Variants in MAGI2 observed in about 807,000 individuals in gnomAD.
MAGI2 encodes membrane associated guanylate kinase, WW and PDZ domain containing 2, also known as membrane-associated guanylate kinase, WW and PDZ domain-containing protein 2.
A neutral mutation model predicts 133.3 loss-of-function variants in MAGI2; 35 were observed. The observed-to-expected ratio is 0.26, with a 90% CI of 0.20 to 0.35. The LOEUF is 0.35. MAGI2 is among the 10% of genes least tolerant of loss of function. The pLI is 1.00. For missense variants in MAGI2, 1,636 were observed against 1,863.4 expected, an observed-to-expected ratio of 0.88 and a Z score of 2.25; for synonymous variants, 729 against 710.6, an observed-to-expected ratio of 1.03 and a Z score of -0.41.
At chr7:78,823,966 A>T (rs1029359450) in intron 2 of MAGI2, among the ~76,000 whole-genome samples, 2 of 152,040 alleles carry the variant, frequency 1.3e-5, no homozygotes, top group African/African-American at 4.8e-5. Context: ...TTTAATACAT[A>T]AAGACTAAGT....
intron 2 of MAGI2, among the ~76,000 whole-genome samples, chr7:78,769,097 C>A (rs988088672): frequency 7.9e-5 from 12 of 152,140 alleles, no homozygotes; most frequent in Non-Finnish European, 1.2e-4. Context: ...CTTTAATAAG[C>A]ACATGTGTAG....
At chr7:78,681,768 A>G (rs905597672) in intron 2 of MAGI2, among the ~76,000 whole-genome samples, 3 of 152,194 alleles carry the variant, frequency 2.0e-5, no homozygotes, top group African/African-American at 7.2e-5. Flanking sequence ...GAAGGCAGTC[A>G]GCGTCACAAC....
chr7:78,620,832 A>G (rs1181077653), intron 3 of MAGI2, among the ~76,000 whole-genome samples: 2 of 152,060 alleles, frequency 1.3e-5, no homozygotes, highest in African/African-American at 4.8e-5. Flanking sequence ...GCTTTATTTT[A>G]AAAACAAAAC....
intron 1 of MAGI2, among the ~76,000 whole-genome samples, chr7:79,212,441 G>A (rs2129552751): frequency 6.6e-6 from 1 of 152,136 alleles, no homozygotes; most frequent in East Asian, 1.9e-4. Flanking sequence ...CAAAAATTTG[G>A]CATCAATTCA....
chr7:78,145,206 C>CT (rs2150567713), intron 16 of MAGI2, among the ~76,000 whole-genome samples: 1 of 152,240 alleles, frequency 6.6e-6, no homozygotes, highest in East Asian at 1.9e-4. Flanking sequence ...ACAGGCACTG[C>CT]TTTATTGTCT....
At chr7:79,193,974 GTTTT>G (rs1249583630) in intron 1 of MAGI2, among the ~76,000 whole-genome samples, 5 of 151,840 alleles carry the variant, frequency 3.3e-5, no homozygotes, top group African/African-American at 1.2e-4. Context: ...TTGTTTGTTT[GTTTT>G]GTTTGCTTGT....
chr7:79,165,770 G>T (rs1318632754), intron 1 of MAGI2, among the ~76,000 whole-genome samples: 2 of 152,032 alleles, frequency 1.3e-5, no homozygotes. Context: ...CTTTCAGACA[G>T]GATCATAGCT....
At position 79,374,329 on chromosome 7, in the gene MAGI2, A is replaced by AACACAC. The variant is rs35379400; in HGVS notation, c.301+78685_301+78690dup. On this transcript the variant is annotated intron_variant, in intron 1 of 21. Coordinates refer to ENST00000354212, the MANE Select transcript of MAGI2 (RefSeq NM_012301.4). Reference sequence around the variant, plus strand: ...GGAAATTTGGACACACACCCACACAAACACACACACACACACACAAAAGAC... The same window carrying AACACAC: ...GGAAATTTGGACACACACCCACACAAACACACACACACACACACACACACAAAAGAC... 5.9e-3 allele frequency among the ~76,000 whole-genome samples: 888 copies of AACACAC among 149,774 alleles called. 6 individuals carry two copies. Among genetic ancestry groups the AACACAC allele is most frequent in the African/African-American group, 0.021 (840 of 40,876 alleles).
At chr7:78,585,307 T>C (rs1386614733) in intron 3 of MAGI2, among the ~76,000 whole-genome samples, 1 of 152,178 alleles carries the variant, frequency 6.6e-6, no homozygotes, top group African/African-American at 2.4e-5. Flanking sequence ...TTCACTTTGG[T>C]ACTCATCTTA....
intron 2 of MAGI2, among the ~76,000 whole-genome samples, chr7:78,877,712 AAATGT>A (rs1795539383): frequency 6.6e-6 from 1 of 152,214 alleles, no homozygotes; most frequent in Non-Finnish European, 1.5e-5. Context: ...AAAAGTTTTA[AAATGT>A]AATAATTAGA....
At chr7:78,243,340 G>C (rs1405987348) in intron 10 of MAGI2, among the ~76,000 whole-genome samples, 1 of 151,498 alleles carries the variant, frequency 6.6e-6, no homozygotes, top group African/African-American at 2.4e-5. Flanking sequence ...ACCGTATATG[G>C]TGTTATGTAT....
intron 1 of MAGI2, among the ~76,000 whole-genome samples, chr7:79,231,391 C>G (rs1209188070): frequency 2.7e-5 from 2 of 73,530 alleles, no homozygotes; most frequent in Admixed American, 2.9e-4. Context: ...GGCAGTATGG[C>G]CATTTTCACG....
At position 78,154,794 on chromosome 7, in the gene MAGI2, C is replaced by T. The variant is rs368770507; in HGVS notation, c.2845+5231G>A. Among the ~76,000 whole-genome samples, 19 of 152,164 alleles carry T rather than the reference C, an allele frequency of 1.2e-4. No homozygotes were observed. In the East Asian group the frequency reaches 3.5e-3, roughly 28 times the overall value. On this transcript the variant is annotated intron_variant, in intron 16 of 21. Coordinates refer to ENST00000354212, the MANE Select transcript of MAGI2 (RefSeq NM_012301.4). Reference sequence around the variant, plus strand: ...GGTTTGTTAAGGAGGTAGGAAGCACCTATAAGGACAGGTGCTACAGCTGGA... The same window carrying T: ...GGTTTGTTAAGGAGGTAGGAAGCACTTATAAGGACAGGTGCTACAGCTGGA...
At chr7:78,807,487 A>G (rs1788678316) in intron 2 of MAGI2, among the ~76,000 whole-genome samples, 2 of 152,166 alleles carry the variant, frequency 1.3e-5, no homozygotes. Context: ...ATCACATGTC[A>G]TATAGCCCCT....
intron 2 of MAGI2, among the ~76,000 whole-genome samples, chr7:78,669,216 A>C (rs929574051): frequency 7.2e-5 from 11 of 152,124 alleles, no homozygotes; most frequent in African/African-American, 2.2e-4. Flanking sequence ...CAAATAGATG[A>C]AATAAAAAAT....
At chr7:78,660,114 T>G (rs1215614814) in intron 2 of MAGI2, among the ~76,000 whole-genome samples, 2 of 132,918 alleles carry the variant, frequency 1.5e-5, no homozygotes, top group East Asian at 2.3e-4. Flanking sequence ...ACACACTGGG[T>G]CCTGTTGTGG....
intron 1 of MAGI2, among the ~76,000 whole-genome samples, chr7:79,150,972 G>T (rs190851309): frequency 2.7e-4 from 41 of 151,852 alleles, no homozygotes; most frequent in African/African-American, 8.4e-4. Flanking sequence ...CACTTAAACT[G>T]GGCTCACAGC....
chr7:78,722,793 G>C (rs1269563134), intron 2 of MAGI2, among the ~76,000 whole-genome samples: 1 of 152,040 alleles, frequency 6.6e-6, no homozygotes, highest in African/African-American at 2.4e-5. Flanking sequence ...TAAGAGTCTT[G>C]AACTCTTTTG....
chr7:78,500,947 G>T (rs184007204), intron 5 of MAGI2, among the ~76,000 whole-genome samples: 1 of 152,244 alleles, frequency 6.6e-6, no homozygotes, highest in African/African-American at 2.4e-5. Context: ...AATTAGCCAG[G>T]CATGGTGGTA....
Sources: allele counts gnomAD v4.1 joint callset (sites outside exome capture counted in the v4.1 genomes callset), GRCh38; gene constraint gnomAD v4.1.1; transcripts MANE v1.5; gene names NCBI Gene and HGNC (gene_info 2026-07-23, HGNC 2026-07-21).